The following RYR2 variants were observed in gnomAD, a reference collection of about 807,000 sequenced individuals.
RYR2 encodes ryanodine receptor 2.
Under a neutral mutation model 601.1 loss-of-function variants are expected in RYR2, and 227 were observed. The ratio of observed to expected loss-of-function variants is 0.38; its 90% CI spans 0.34 to 0.42. RYR2 has a LOEUF of 0.42. RYR2 is among the 10% of genes least tolerant of loss of function. RYR2 has a pLI of 1.00. For missense variants in RYR2, 4,646 were observed against 6,156.5 expected (o/e 0.75, Z 8.21); for synonymous variants, 2,223 against 2,175.1 (o/e 1.02, Z -0.61).
rs1459823777 is a variant in RYR2, at chr1:237,640,887, T to C, written c.7116-10T>C. The C allele has an allele frequency of 1.9e-6, 3 of 1,608,170 alleles. No homozygotes were observed. Among genetic ancestry groups the C allele is most frequent in the East Asian group, 4.5e-5 (2 of 44,838 alleles). On this transcript the variant is annotated splice_polypyrimidine_tract_variant and intron_variant, in intron 46 of 104. Transcript: ENST00000366574. ...TTTGCTTTCTCTTTCTTTTGAAACA[T>C]TCATGAAAGTGACACAGAGGAGGAG... is the stretch of plus-strand genomic sequence containing the variant.
intron 2 of RYR2, among the ~76,000 whole-genome samples, chr1:237,289,888 T>G (rs940981352): frequency 5.3e-5 from 8 of 152,240 alleles, no homozygotes; most frequent in Admixed American, 1.3e-4. Flanking sequence ...CATAAAACTA[T>G]TTTAGTTGCA....
chr1:237,627,320 A>G (rs964976327), intron 40 of RYR2, among the ~76,000 whole-genome samples: 3 of 152,252 alleles, frequency 2.0e-5, no homozygotes, highest in African/African-American at 7.2e-5. Flanking sequence ...ACTTTAAGTG[A>G]AAACATAATT....
chr1:237,717,154 G>A, intron 71 of RYR2, 44 bp from the exon 72 acceptor site: 2 of 1,587,986 alleles, frequency 1.3e-6, no homozygotes, highest in Non-Finnish European at 1.7e-6. Context: ...TTCTACATGT[G>A]AGAAAAGCAG....
intron 1 of RYR2, among the ~76,000 whole-genome samples, chr1:237,223,622 T>C (rs759541025): frequency 6.6e-6 from 1 of 152,168 alleles, no homozygotes; most frequent in Non-Finnish European, 1.5e-5. Context: ...TTTAAGGTTA[T>C]GTAATAGAGG....
intron 23 of RYR2, 24 bp from the exon 24 acceptor site, chr1:237,511,664 T>G (rs373143428): frequency 2.0e-6 from 3 of 1,525,988 alleles, no homozygotes; most frequent in Admixed American, 3.9e-5. Context: ...GACTATTTTA[T>G]GTCAATTTCC....
At chr1:237,312,214 G>T (rs1305288171) in intron 2 of RYR2, among the ~76,000 whole-genome samples, 1 of 152,170 alleles carries the variant, frequency 6.6e-6, no homozygotes, top group Non-Finnish European at 1.5e-5. Flanking sequence ...AATAGAGTTG[G>T]CTGCTTGACT....
intron 62 of RYR2, among the ~76,000 whole-genome samples, chr1:237,684,502 G>A (rs1167313409): frequency 6.6e-6 from 1 of 152,170 alleles, no homozygotes; most frequent in Non-Finnish European, 1.5e-5. Context: ...ACTTGGCGAT[G>A]AGTAATATGG....
intron 1 of RYR2, among the ~76,000 whole-genome samples, chr1:237,091,404 C>G (rs751936265): frequency 3.0e-5 from 4 of 133,938 alleles, no homozygotes; most frequent in Non-Finnish European, 6.1e-5. Context: ...TGTAGAAACA[C>G]CAGGGACTTT....
At chr1:237,116,329 C>T (rs1024637753) in intron 1 of RYR2, among the ~76,000 whole-genome samples, 6 of 152,122 alleles carry the variant, frequency 3.9e-5, no homozygotes, top group Non-Finnish European at 8.8e-5. Context: ...TTACTCTGTG[C>T]CAGAAACTGT....
intron 29 of RYR2, among the ~76,000 whole-genome samples, chr1:237,581,455 T>TA (rs1673907727): frequency 6.6e-6 from 1 of 151,982 alleles, no homozygotes; most frequent in Admixed American, 6.6e-5. Context: ...AAAATAGCTG[T>TA]ATAGCTGTAG....
chr1:237,456,633 C>A lies in RYR2; in HGVS notation c.1510C>A (p.Arg504Ser). Residue 504 changes from arginine to serine, a missense_variant, in exon 16 of 105, where the codon CGT (arginine) becomes AGT (serine). Arg to Ser is a moderately radical substitution (Grantham distance 110, BLOSUM62 -1). Coordinates refer to ENST00000366574, the MANE Select transcript of RYR2 (RefSeq NM_001035.3). ...CAACCTCGTGCTTGAGTGCATAGAC[C>A]GTTTGCACGTCTACAGCAGTGCAGC... ...MINLVLECIDRLHVYSSAAHF... is the reference protein window; with the variant it reads ...MINLVLECIDSLHVYSSAAHF... 5 of 1,605,006 alleles carry A rather than the reference C, an allele frequency of 3.1e-6. No individual in the cohort carries two copies. The highest frequency in any genetic ancestry group is 4.3e-6 in the Non-Finnish European group (5 of 1,174,574).
chr1:237,213,476 C>A (rs1028849985), intron 1 of RYR2, among the ~76,000 whole-genome samples: 2 of 152,166 alleles, frequency 1.3e-5, no homozygotes, highest in African/African-American at 4.8e-5. Context: ...TTGCGTCTGG[C>A]CTTTTTTTGT....
At chr1:237,436,063 G>A (rs1336592416) in intron 12 of RYR2, among the ~76,000 whole-genome samples, 1 of 152,150 alleles carries the variant, frequency 6.6e-6, no homozygotes, top group African/African-American at 2.4e-5. Context: ...TAGTTTATGT[G>A]CTCAGGGAAA....
At position 237,666,588 on chromosome 1, in the gene RYR2, A is replaced by G. The variant is rs1200157786; in HGVS notation, c.8513A>G (p.His2838Arg). The change falls in exon 57 of 105, where the codon CAT (histidine) becomes CGT (arginine). Residue 2838 changes from histidine (H) to arginine (R), a missense_variant and splice_region_variant. This residue lies in a region of RYR2 where 1,497 missense variants were observed against 1,842.6 expected (regional missense o/e 0.81). Transcript: ENST00000366574. Reference protein sequence around the residue: ...MSNVTLSRDLHAMAEMMAENY... With the variant: ...MSNVTLSRDLRAMAEMMAENY... The stretch of plus-strand genomic sequence containing the variant: ...AATGTTACACTATCTAGAGACCTGC[A>G]TGTAAGTACTATTAACTTTTAAAAA... The G allele has an allele frequency of 6.2e-7, 1 of 1,609,758 alleles. No individual in the cohort carries two copies. Among genetic ancestry groups the G allele is most frequent in the Non-Finnish European group, 8.5e-7 (1 of 1,177,298 alleles).
At chr1:237,666,695 C>T (rs1156234698) in intron 57 of RYR2, 106 bp downstream of exon 57, 21 of 869,932 alleles carry the variant, frequency 2.4e-5, no homozygotes, top group African/African-American at 5.1e-5. Flanking sequence ...TTGAATGTGG[C>T]GATCTATAAT....
chr1:237,296,719 G>A lies in RYR2; in HGVS notation c.168+26103G>A, dbSNP rs150827767. Among the ~76,000 whole-genome samples the A allele has an allele frequency of 3.3e-5, 5 of 152,314 alleles. No individual in the cohort carries two copies. In the East Asian group the frequency reaches 7.7e-4, roughly 24 times the overall value. On this transcript the variant is annotated intron_variant, in intron 2 of 104. Coordinates refer to ENST00000366574, the MANE Select transcript of RYR2 (RefSeq NM_001035.3). ...ATGGTATTTAAAACCACAGGTTGGT[G>A]TGAGAATCACCTGCAGGAATATGTA... is the stretch of plus-strand genomic sequence containing the variant.
At chr1:237,579,278 C>T (rs1423419057) in intron 29 of RYR2, among the ~76,000 whole-genome samples, 2 of 103,768 alleles carry the variant, frequency 1.9e-5, no homozygotes, top group African/African-American at 7.5e-5. Flanking sequence ...TTTTTTGAGA[C>T]AGAGTTTCAC....
At chr1:237,631,819 G>T (rs936240897) in intron 42 of RYR2, among the ~76,000 whole-genome samples, 5 of 151,072 alleles carry the variant, frequency 3.3e-5, no homozygotes, top group African/African-American at 1.2e-4. Flanking sequence ...TAGTAGAGAC[G>T]GGGTTTCACT....
chr1:237,210,542 C>G (rs1251486032), intron 1 of RYR2, among the ~76,000 whole-genome samples: 12 of 152,158 alleles, frequency 7.9e-5, no homozygotes, highest in Non-Finnish European at 1.8e-4. Flanking sequence ...TCTCTTGCTT[C>G]TCTTGTGAGG....
Sources: gnomAD v4.1 joint callset for allele counts (sites outside exome capture counted in the v4.1 genomes callset) on GRCh38, gnomAD v4.1.1 for gene constraint, gnomAD v4.1.1 regional missense constraint, MANE v1.5 for transcripts, NCBI Gene and HGNC (gene_info 2026-07-23, HGNC 2026-07-21) for gene names.